The following RIMS2 variants were observed in gnomAD, a reference collection of about 807,000 sequenced individuals.
RIMS2 encodes regulating synaptic membrane exocytosis 2.
In RIMS2, 59 loss-of-function variants were observed where a neutral mutation model predicts 174.4. The observed-to-expected ratio is 0.34, with a 90% confidence interval of 0.27 to 0.42. The LOEUF is 0.42. Among genes scored for constraint, RIMS2 ranks in the 10% least tolerant of loss-of-function variants. The pLI, the probability that RIMS2 is intolerant of heterozygous loss-of-function variation, is 1.00. For missense variants in RIMS2, 1,620 were observed against 1,666.3 expected (o/e 0.97, Z 0.48); for synonymous variants, 606 against 572.5 (o/e 1.06, Z -0.84).
intron 1 of RIMS2, among the ~76,000 whole-genome samples, chr8:103,684,388 G>A (rs569317233): frequency 6.6e-6 from 1 of 151,912 alleles, no homozygotes; most frequent in African/African-American, 2.4e-5. Flanking sequence ...ACTTTTAAAT[G>A]GTTGATTAAA....
At chr8:103,637,050 C>T (rs1271441278) in intron 1 of RIMS2, among the ~76,000 whole-genome samples, 1 of 152,152 alleles carries the variant, frequency 6.6e-6, no homozygotes. Flanking sequence ...GATGTTTCTT[C>T]TAAAGGGCTA....
At chr8:103,739,859 T>C (rs1233579566) in intron 2 of RIMS2, among the ~76,000 whole-genome samples, 1 of 152,192 alleles carries the variant, frequency 6.6e-6, no homozygotes, top group Non-Finnish European at 1.5e-5. Context: ...TTTAGTCTAA[T>C]AGAGTGCTCA....
At position 103,690,156 on chromosome 8, in the gene RIMS2, G is replaced by T. The variant is rs1255058983; in HGVS notation, c.177-6930G>T. ...TTTTTGTATTTTTAGTAGAGACAGG[G>T]TTTCAGAATGTTGGCCAGGCTAGTC... On this transcript the variant is annotated intron_variant, in intron 1 of 23. Coordinates refer to ENST00000504942, the Ensembl canonical transcript of RIMS2. 1.4e-4 allele frequency among the ~76,000 whole-genome samples: 22 copies of T among 152,106 alleles called. No homozygotes were observed. The East Asian group carries it at 4.2e-3, about 29-fold the overall frequency.
chr8:103,566,937 C>G (rs150088427), intron 1 of RIMS2, among the ~76,000 whole-genome samples: 1 of 152,232 alleles, frequency 6.6e-6, no homozygotes, highest in Non-Finnish European at 1.5e-5. Flanking sequence ...AATTTTAGAA[C>G]ATTTTGTTCT....
At chr8:103,580,522 C>T (rs1307540983) in intron 1 of RIMS2, among the ~76,000 whole-genome samples, 2 of 151,968 alleles carry the variant, frequency 1.3e-5, no homozygotes, top group African/African-American at 4.8e-5. Context: ...TTATGAATTT[C>T]TGTGTACATA....
At position 104,181,514 on chromosome 8, in the gene RIMS2, A is replaced by G. The variant is rs79266343; in HGVS notation, c.3335-63402A>G. Among the ~76,000 whole-genome samples the G allele has an allele frequency of 5.7e-3, 859 of 151,740 alleles. 6 individuals carry two copies. The highest frequency in any genetic ancestry group is 0.019 in the African/African-American group (795 of 41,504). ...TTCATATTATGTATCCCAAACTTAA[A>G]CTGTACTACTGAGTCCATTAAAAGA... is the stretch of plus-strand genomic sequence containing the variant. On this transcript the variant is annotated intron_variant, in intron 19 of 23. Coordinates refer to ENST00000504942, the Ensembl canonical transcript of RIMS2.
chr8:104,202,998 G>A (rs1221468350), intron 19 of RIMS2, among the ~76,000 whole-genome samples: 1 of 152,142 alleles, frequency 6.6e-6, no homozygotes, highest in African/African-American at 2.4e-5. Flanking sequence ...ATTTAGAAGA[G>A]AAGTGTAATT....
At chr8:103,644,806 G>T (rs2096293950) in intron 1 of RIMS2, among the ~76,000 whole-genome samples, 1 of 151,542 alleles carries the variant, frequency 6.6e-6, no homozygotes, top group African/African-American at 2.4e-5. Flanking sequence ...TAATAATTTA[G>T]ATTTTTATGC....
chr8:103,912,773 G>A (rs1477959752), intron 6 of RIMS2, among the ~76,000 whole-genome samples: 1 of 151,978 alleles, frequency 6.6e-6, no homozygotes, highest in Non-Finnish European at 1.5e-5. Flanking sequence ...ACATTAAATA[G>A]AGCTTTGTTT....
At chr8:104,018,674 TG>T (rs1430315798) in intron 19 of RIMS2, among the ~76,000 whole-genome samples, 1 of 152,194 alleles carries the variant, frequency 6.6e-6, no homozygotes. Context: ...ACAGTTTTGT[TG>T]AAGCTTTAGC....
chr8:104,032,456 C>A (rs2096415618), intron 19 of RIMS2, among the ~76,000 whole-genome samples: 1 of 151,874 alleles, frequency 6.6e-6, no homozygotes, highest in African/African-American at 2.4e-5. Flanking sequence ...TTGGCAATGA[C>A]CTTAAGCAGT....
chr8:104,087,411 G>A (rs116766559), intron 19 of RIMS2, among the ~76,000 whole-genome samples: 2,612 of 152,182 alleles, frequency 0.017, 69 homozygotes, highest in African/African-American at 0.057. Context: ...GGACAAGGGA[G>A]AAGTACACAT....
intron 19 of RIMS2, among the ~76,000 whole-genome samples, chr8:104,086,419 T>C (rs918139273): frequency 6.6e-6 from 1 of 152,014 alleles, no homozygotes; most frequent in African/African-American, 2.4e-5. Flanking sequence ...TGGGGTTTCA[T>C]TGCAGCGCTG....
intron 3 of RIMS2, among the ~76,000 whole-genome samples, chr8:103,849,970 T>A (rs1286722074): frequency 1.1e-4 from 16 of 151,950 alleles, no homozygotes; most frequent in Non-Finnish European, 1.5e-5. Context: ...AGAAAAATGG[T>A]CCTAATATAG....
intron 3 of RIMS2, among the ~76,000 whole-genome samples, chr8:103,848,380 C>G (rs376794394): frequency 1.1e-4 from 17 of 151,982 alleles, no homozygotes; most frequent in African/African-American, 3.9e-4. Context: ...AGCACTGATG[C>G]AATAGTGTTA....
intron 1 of RIMS2, among the ~76,000 whole-genome samples, chr8:103,535,638 G>A (rs181874857): frequency 6.6e-5 from 10 of 152,244 alleles, no homozygotes; most frequent in Admixed American, 2.0e-4. Flanking sequence ...CCCAAACTGT[G>A]GGGCAACAAT....
At chr8:104,133,803 G>T (rs1452951328) in intron 19 of RIMS2, among the ~76,000 whole-genome samples, 1 of 152,086 alleles carries the variant, frequency 6.6e-6, no homozygotes, top group Non-Finnish European at 1.5e-5. Context: ...GAAATCAAGG[G>T]TGCCTCTGGA....
At chr8:104,062,689 C>T (rs72683179) in intron 19 of RIMS2, among the ~76,000 whole-genome samples, 1 of 152,244 alleles carries the variant, frequency 6.6e-6, no homozygotes, top group South Asian at 2.1e-4. Context: ...TTATTCACTG[C>T]ACTTCATTTG....
intron 14 of RIMS2, among the ~76,000 whole-genome samples, chr8:103,945,101 T>A (rs1458997867): frequency 6.6e-6 from 1 of 152,072 alleles, no homozygotes; most frequent in African/African-American, 2.4e-5. Flanking sequence ...GTATCATATT[T>A]CAAAGATCGT....
Sources: gnomAD v4.1 joint callset for allele counts (sites outside exome capture counted in the v4.1 genomes callset) on GRCh38, gnomAD v4.1.1 for gene constraint, MANE v1.5 for transcripts, NCBI Gene and HGNC (gene_info 2026-07-23, HGNC 2026-07-21) for gene names.